The following TRMT11 variants were observed in gnomAD, a reference collection of about 807,000 sequenced individuals.
TRMT11 encodes the protein tRNA methyltransferase 11.
In TRMT11, 53 loss-of-function variants were observed where a neutral mutation model predicts 62.8. The ratio of observed to expected loss-of-function variants is 0.84; its 90% CI spans 0.68 to 1.06. TRMT11 has a LOEUF of 1.06. TRMT11 is among the 50% of genes least tolerant of loss of function. TRMT11 has a pLI of 0.00. For missense variants in TRMT11, 556 were observed against 553.4 expected (o/e 1.00, Z -0.05); for synonymous variants, 188 against 190.3 (o/e 0.99, Z 0.10).
intron 11 of TRMT11, among the ~76,000 whole-genome samples, chr6:126,015,112 T>C (rs900747152): frequency 6.6e-6 from 1 of 152,100 alleles, no homozygotes; most frequent in Admixed American, 6.6e-5. Context: ...TGAAGTAATT[T>C]CAAACTTACA....
At chr6:126,102,199 G>C (rs1326444386) in intron 17 of TRMT11, among the ~76,000 whole-genome samples, 2 of 152,098 alleles carry the variant, frequency 1.3e-5, no homozygotes, top group African/African-American at 4.8e-5. Flanking sequence ...AACATCTCTT[G>C]AGATGAACTC....
At chr6:126,073,544 A>C (rs1319589740) in intron 17 of TRMT11, among the ~76,000 whole-genome samples, 1 of 152,276 alleles carries the variant, frequency 6.6e-6, no homozygotes, top group African/African-American at 2.4e-5. Context: ...TTTAAATCAC[A>C]GTCACAACAT....
chr6:126,215,381 A>G, the TRMT11 span, among the ~76,000 whole-genome samples: 210 of 152,034 alleles, frequency 1.4e-3, no homozygotes, highest in African/African-American at 4.6e-3. Context: ...GTTGGGTCCA[A>G]TGTATTTACA....
At chr6:126,178,385 T>G (rs895857872) in intron 1 of TRMT11, among the ~76,000 whole-genome samples, 1 of 152,186 alleles carries the variant, frequency 6.6e-6, no homozygotes, top group African/African-American at 2.4e-5. Flanking sequence ...GGACTGGCCT[T>G]GCAGCTTGCC....
intron 16 of TRMT11, among the ~76,000 whole-genome samples, chr6:126,045,961 A>G (rs1465899240): frequency 6.6e-6 from 1 of 152,042 alleles, no homozygotes; most frequent in African/African-American, 2.4e-5. Context: ...CATCTCAGGG[A>G]TATATCCCTG....
intron 11 of TRMT11, among the ~76,000 whole-genome samples, chr6:126,019,765 G>A (rs761180887): frequency 2.6e-5 from 4 of 152,050 alleles, no homozygotes; most frequent in African/African-American, 9.7e-5. Context: ...AGCAAGATCC[G>A]TTCTCTGAAA....
intron 21 of TRMT11, among the ~76,000 whole-genome samples, chr6:126,149,590 T>C (rs1224783300): frequency 1.3e-5 from 2 of 152,172 alleles, no homozygotes; most frequent in Non-Finnish European, 2.9e-5. Context: ...TCAAGTTAGG[T>C]ATATGCTCTT....
intron 21 of TRMT11, among the ~76,000 whole-genome samples, chr6:126,168,407 G>A (rs1460570744): frequency 1.3e-5 from 2 of 152,168 alleles, no homozygotes; most frequent in African/African-American, 4.8e-5. Flanking sequence ...AATATATGGA[G>A]CTATAGGAAT....
chr6:126,190,513 G>A (rs1324881047), intron 1 of TRMT11, among the ~76,000 whole-genome samples: 1 of 152,086 alleles, frequency 6.6e-6, no homozygotes, highest in East Asian at 1.9e-4. Flanking sequence ...TGTTAAGCCT[G>A]CAGAACTACG....
chr6:126,178,542 T>C (rs897057757), intron 1 of TRMT11, among the ~76,000 whole-genome samples: 1 of 152,258 alleles, frequency 6.6e-6, no homozygotes, highest in Admixed American at 6.5e-5. Context: ...CTGTCTCTTC[T>C]AAGTTACTTT....
At chr6:126,236,506 A>G in the TRMT11 span, among the ~76,000 whole-genome samples, 1 of 152,212 alleles carries the variant, frequency 6.6e-6, no homozygotes, top group East Asian at 1.9e-4. Flanking sequence ...GAAGTAAGAA[A>G]TCATCTTGTT....
At chr6:126,126,513 C>A (rs1777720437) in intron 21 of TRMT11, among the ~76,000 whole-genome samples, 2 of 152,108 alleles carry the variant, frequency 1.3e-5, no homozygotes, top group South Asian at 4.1e-4. Flanking sequence ...ACAGCCTCCT[C>A]TGAATTGCTT....
upstream of TRMT11, among the ~76,000 whole-genome samples, chr6:126,172,436 A>G (rs1209509717): frequency 6.6e-6 from 1 of 152,178 alleles, no homozygotes; most frequent in African/African-American, 2.4e-5. Flanking sequence ...AGGTTGGACC[A>G]TGGCTGCATT....
At chr6:126,147,346 C>T (rs577069424) in intron 21 of TRMT11, among the ~76,000 whole-genome samples, 1 of 152,200 alleles carries the variant, frequency 6.6e-6, no homozygotes, top group Admixed American at 6.5e-5. Flanking sequence ...GATGTCATGT[C>T]ACTTTAAATC....
At chr6:126,021,316 A>G in intron 12 of TRMT11, 36 bp downstream of exon 12, 2 of 1,604,852 alleles carry the variant, frequency 1.2e-6, no homozygotes, top group South Asian at 1.1e-5. Flanking sequence ...TAAATTCTGA[A>G]AGAATCAAAA....
chr6:126,060,787 G>A (rs1776513912), intron 17 of TRMT11, among the ~76,000 whole-genome samples: 1 of 152,190 alleles, frequency 6.6e-6, no homozygotes, highest in African/African-American at 2.4e-5. Context: ...AAGGGCTAGG[G>A]GTAAGTCACT....
chr6:126,033,876 T>C (rs1351721354), intron 12 of TRMT11, among the ~76,000 whole-genome samples: 2 of 152,188 alleles, frequency 1.3e-5, no homozygotes, highest in Non-Finnish European at 2.9e-5. Flanking sequence ...TTTGGTTTCT[T>C]TGGCAAGTGT....
At chr6:126,151,349 A>G (rs1357889991) in intron 21 of TRMT11, among the ~76,000 whole-genome samples, 1 of 152,198 alleles carries the variant, frequency 6.6e-6, no homozygotes, top group Admixed American at 6.5e-5. Flanking sequence ...TAAAATAAGA[A>G]CTAAACATGC....
chr6:126,017,711 C>A (rs1795189338), intron 11 of TRMT11, among the ~76,000 whole-genome samples: 1 of 152,222 alleles, frequency 6.6e-6, no homozygotes, highest in South Asian at 2.1e-4. Flanking sequence ...TCAGTCCATC[C>A]TCTGTGCTCT....
Sources: allele counts gnomAD v4.1 joint callset (sites outside exome capture counted in the v4.1 genomes callset), GRCh38; gene constraint gnomAD v4.1.1; transcripts MANE v1.5; gene names NCBI Gene and HGNC (gene_info 2026-07-23, HGNC 2026-07-21).